The following KCNIP4 variants were observed in gnomAD, a reference collection of about 807,000 sequenced individuals.
KCNIP4 encodes the protein potassium voltage-gated channel interacting protein 4.
A neutral mutation model predicts 34.0 loss-of-function variants in KCNIP4; 12 were observed. The ratio of observed to expected loss-of-function variants is 0.35; its 90% CI spans 0.23 to 0.57. The LOEUF (loss-of-function observed/expected upper bound fraction) is 0.57. Ranked by LOEUF, KCNIP4 falls within the 20% of genes least tolerant of loss-of-function variation. KCNIP4 has a pLI of 0.83. For synonymous variants in KCNIP4, 124 were observed against 102.2 expected (o/e 1.21, Z -1.29); for missense variants, 238 against 311.7 (o/e 0.76, Z 1.78).
chr4:21,025,852 G>T (rs1289514909), intron 1 of KCNIP4, among the ~76,000 whole-genome samples: 2 of 152,006 alleles, frequency 1.3e-5, no homozygotes, highest in African/African-American at 4.8e-5. Flanking sequence ...ACTGCACCCG[G>T]CCTGATACTG....
At chr4:21,887,897 A>G (rs1726872338) in intron 1 of KCNIP4, among the ~76,000 whole-genome samples, 1 of 152,178 alleles carries the variant, frequency 6.6e-6, no homozygotes, top group African/African-American at 2.4e-5. Flanking sequence ...TGAATTTCCA[A>G]TGTAAAGTTG....
intron 1 of KCNIP4, among the ~76,000 whole-genome samples, chr4:20,970,829 A>G (rs77442655): frequency 0.024 from 3,667 of 152,310 alleles, 154 homozygotes; most frequent in African/African-American, 0.084. Flanking sequence ...CCTGTCCATG[A>G]TCTACCTAAC....
At chr4:20,927,178 C>T (rs1250145783) in intron 1 of KCNIP4, among the ~76,000 whole-genome samples, 1 of 152,070 alleles carries the variant, frequency 6.6e-6, no homozygotes, top group East Asian at 1.9e-4. Context: ...AGGGTTTTAC[C>T]ATATTGGCCA....
At chr4:21,500,210 T>C (rs1733201407) in intron 1 of KCNIP4, among the ~76,000 whole-genome samples, 1 of 152,142 alleles carries the variant, frequency 6.6e-6, no homozygotes, top group Admixed American at 6.6e-5. Flanking sequence ...GAAAAAGCGT[T>C]GTCTTTTTAT....
chr4:21,171,745 GC>G (rs1754035791), intron 1 of KCNIP4, among the ~76,000 whole-genome samples: 1 of 152,082 alleles, frequency 6.6e-6, no homozygotes, highest in South Asian at 2.1e-4. Flanking sequence ...GCTCCATGTT[GC>G]CCGGGAAGAA....
intron 1 of KCNIP4, among the ~76,000 whole-genome samples, chr4:21,006,079 ACCAGAATTAGTAGAG>A (rs1312664931): frequency 2.0e-5 from 3 of 152,162 alleles, no homozygotes; most frequent in African/African-American, 7.2e-5. Context: ...AGGTACACAA[ACCAGAATTAGTAGAG>A]CCAGAATTTG....
chr4:21,929,928 T>C (rs1433993647), intron 1 of KCNIP4, among the ~76,000 whole-genome samples: 1 of 152,146 alleles, frequency 6.6e-6, no homozygotes, highest in Non-Finnish European at 1.5e-5. Context: ...ACATGTTCCA[T>C]CTCTGATTCC....
chr4:21,675,224 A>G (rs905291542), intron 1 of KCNIP4, among the ~76,000 whole-genome samples: 5 of 152,212 alleles, frequency 3.3e-5, no homozygotes, highest in African/African-American at 1.2e-4. Context: ...ATTCTCATTT[A>G]TTTGTGGGAT....
intron 1 of KCNIP4, among the ~76,000 whole-genome samples, chr4:21,188,038 T>A (rs967810237): frequency 6.6e-6 from 1 of 152,226 alleles, no homozygotes; most frequent in Non-Finnish European, 1.5e-5. Context: ...GACAGTAATA[T>A]GAGAAAACTT....
intron 1 of KCNIP4, among the ~76,000 whole-genome samples, chr4:21,321,210 G>A (rs1714377865): frequency 6.6e-6 from 1 of 152,136 alleles, no homozygotes. Context: ...TGAAAGAATG[G>A]CAAAATGCAG....
intron 1 of KCNIP4, among the ~76,000 whole-genome samples, chr4:21,592,959 T>C (rs1370843393): frequency 6.6e-6 from 1 of 152,038 alleles, no homozygotes; most frequent in Non-Finnish European, 1.5e-5. Flanking sequence ...ATAAGATGAA[T>C]GGGAAGGAAA....
chr4:21,812,537 T>C (rs1344658231), intron 1 of KCNIP4, among the ~76,000 whole-genome samples: 1 of 152,208 alleles, frequency 6.6e-6, no homozygotes, highest in Non-Finnish European at 1.5e-5. Context: ...AGTTATTAAA[T>C]GTCAGCATCC....
chr4:21,651,205 C>T (rs369872912), intron 1 of KCNIP4, among the ~76,000 whole-genome samples: 12 of 152,164 alleles, frequency 7.9e-5, no homozygotes, highest in Non-Finnish European at 1.5e-5. Context: ...GGATATTCTA[C>T]AAGAGCATGG....
chr4:21,680,089 T>C (rs1219413606), intron 1 of KCNIP4, among the ~76,000 whole-genome samples: 1 of 152,218 alleles, frequency 6.6e-6, no homozygotes, highest in African/African-American at 2.4e-5. Flanking sequence ...TTTGATAACA[T>C]TTTACCCACA....
intron 1 of KCNIP4, among the ~76,000 whole-genome samples, chr4:21,403,888 A>T (rs1560372416): frequency 1.3e-5 from 2 of 152,112 alleles, no homozygotes; most frequent in Non-Finnish European, 2.9e-5. Context: ...CTTCTTTTAT[A>T]CGAGCACTAA....
chr4:21,118,200 C>G (rs1470299559), intron 1 of KCNIP4, among the ~76,000 whole-genome samples: 2 of 152,134 alleles, frequency 1.3e-5, no homozygotes, highest in Non-Finnish European at 2.9e-5. Flanking sequence ...GCTAACTAAA[C>G]AGGCATCCAG....
chr4:21,714,447 G>A (rs1713992028), intron 1 of KCNIP4, among the ~76,000 whole-genome samples: 1 of 151,462 alleles, frequency 6.6e-6, no homozygotes, highest in Admixed American at 6.6e-5. Flanking sequence ...GCAAAAAGAA[G>A]ATGGGACAGA....
chr4:20,761,703 A>G (rs561955373), intron 3 of KCNIP4, among the ~76,000 whole-genome samples: 7 of 152,290 alleles, frequency 4.6e-5, no homozygotes, highest in Admixed American at 4.6e-4. Context: ...TTCAGTCTCT[A>G]GATATATTTG....
intron 1 of KCNIP4, among the ~76,000 whole-genome samples, chr4:21,284,175 T>C (rs897828828): frequency 6.7e-6 from 1 of 149,680 alleles, no homozygotes; most frequent in South Asian, 2.1e-4. Flanking sequence ...ATTGCACCAC[T>C]GCACTCCAGC....
Sources: gnomAD v4.1 joint callset for allele counts (sites outside exome capture counted in the v4.1 genomes callset) on GRCh38, gnomAD v4.1.1 for gene constraint, MANE v1.5 for transcripts, NCBI Gene and HGNC (gene_info 2026-07-23, HGNC 2026-07-21) for gene names.